WDR72: variants seen among roughly 807,000 people sequenced by gnomAD.
WDR72 encodes WD repeat-containing protein 72.
WDR72 carries 120 observed loss-of-function variants against 124.2 expected under a neutral mutation model. The observed-to-expected ratio is 0.97, with a 90% CI of 0.83 to 1.12. WDR72 has a LOEUF of 1.12. Ranked by LOEUF, WDR72 falls within the 50% of genes most tolerant of loss-of-function variation. WDR72 has a pLI of 0.00. For missense variants in WDR72, 1,387 were observed against 1,278.8 expected (o/e 1.08, Z -1.29); for synonymous variants, 452 against 441.7 (o/e 1.02, Z -0.29).
intron 18 of WDR72, among the ~76,000 whole-genome samples, chr15:53,542,875 C>A (rs1435400849): frequency 1.4e-3 from 178 of 131,344 alleles, no homozygotes; most frequent in African/African-American, 5.0e-3. Flanking sequence ...TTTAAACCAA[C>A]AAAGATCAAA....
intron 18 of WDR72, among the ~76,000 whole-genome samples, chr15:53,548,416 TC>T (rs1459287670): frequency 6.6e-6 from 1 of 152,166 alleles, no homozygotes; most frequent in Non-Finnish European, 1.5e-5. Flanking sequence ...GGATTGGAAT[TC>T]CTGTTGTGCA....
intron 1 of WDR72, among the ~76,000 whole-genome samples, chr15:53,734,169 A>T (rs1595881307): frequency 6.7e-6 from 1 of 149,108 alleles, no homozygotes; most frequent in South Asian, 2.1e-4. Flanking sequence ...CACACACACA[A>T]ATATATACAT....
chr15:53,657,825 T>TA (rs2015481441), intron 14 of WDR72, among the ~76,000 whole-genome samples: 1 of 152,200 alleles, frequency 6.6e-6, no homozygotes, highest in Non-Finnish European at 1.5e-5. Flanking sequence ...TCAGCAATTA[T>TA]AAAAACAATA....
At chr15:53,573,263 T>C (rs1259129723) in intron 18 of WDR72, among the ~76,000 whole-genome samples, 1 of 152,196 alleles carries the variant, frequency 6.6e-6, no homozygotes, top group Non-Finnish European at 1.5e-5. Context: ...TATGAATAAC[T>C]CTAAGGTGTG....
intron 14 of WDR72, among the ~76,000 whole-genome samples, chr15:53,663,008 G>A (rs2015657741): frequency 1.3e-5 from 2 of 151,622 alleles, no homozygotes; most frequent in Admixed American, 1.3e-4. Context: ...GTTCAAATCT[G>A]TAGTGGGCTA....
chr15:53,634,506 G>A (rs911114937), intron 14 of WDR72, among the ~76,000 whole-genome samples: 7 of 152,080 alleles, frequency 4.6e-5, no homozygotes, highest in African/African-American at 1.7e-4. Context: ...AAAAAAAAAT[G>A]CAAAAAACTT....
intron 17 of WDR72, among the ~76,000 whole-genome samples, chr15:53,603,695 A>G (rs1433977347): frequency 6.6e-6 from 1 of 152,114 alleles, no homozygotes; most frequent in Non-Finnish European, 1.5e-5. Flanking sequence ...ACAACAGTCA[A>G]GCTGAGAGCT....
At chr15:53,623,072 T>C (rs371400772) in intron 14 of WDR72, among the ~76,000 whole-genome samples, 11 of 152,318 alleles carry the variant, frequency 7.2e-5, no homozygotes, top group East Asian at 1.9e-4. Context: ...TTGTAAATCA[T>C]TAGTCTCAAA....
At chr15:53,626,722 G>A (rs1029997353) in intron 14 of WDR72, among the ~76,000 whole-genome samples, 1 of 152,244 alleles carries the variant, frequency 6.6e-6, no homozygotes, top group African/African-American at 2.4e-5. Flanking sequence ...GCATTTTAAT[G>A]AGCTCTCCTT....
chr15:53,581,324 T>C (rs1185318224), intron 18 of WDR72, among the ~76,000 whole-genome samples: 2 of 152,248 alleles, frequency 1.3e-5, no homozygotes, highest in South Asian at 2.1e-4. Flanking sequence ...CAAAAGTTTA[T>C]ATGACTGTCA....
chr15:53,711,037 G>T, intron 8 of WDR72, 84 bp from the exon 9 acceptor site: 1 of 1,178,928 alleles, frequency 8.5e-7, no homozygotes, highest in Non-Finnish European at 1.2e-6. Flanking sequence ...TCAAAAGCCG[G>T]ATGGTACCGT....
At chr15:53,699,228 T>C (rs952825050) in intron 13 of WDR72, among the ~76,000 whole-genome samples, 2 of 152,220 alleles carry the variant, frequency 1.3e-5, no homozygotes, top group Admixed American at 6.5e-5. Context: ...TTAGTAATTG[T>C]TTTTTAATTT....
chr15:53,624,202 A>G (rs2014118177), intron 14 of WDR72, among the ~76,000 whole-genome samples: 1 of 152,210 alleles, frequency 6.6e-6, no homozygotes, highest in African/African-American at 2.4e-5. Flanking sequence ...GAATACGGGA[A>G]GGTAGAGAAT....
rs556513649 is a variant in WDR72 at position 53,682,811 on chromosome 15, T to C, written c.1765+16939A>G. Among the ~76,000 whole-genome samples, 3 of 152,322 alleles carry C rather than the reference T, an allele frequency of 2.0e-5. 1 individual carries two copies. The highest frequency in any genetic ancestry group is 7.2e-5 in the African/African-American group (3 of 41,572). ...CAGTTCCAAAGTTGCTTCCATATTT[T>C]CAGGTTATCTTTATAGCAGTATTCC... On this transcript the variant is annotated intron_variant, in intron 13 of 19. Transcript: ENST00000360509.
At position 53,636,863 on chromosome 15, in the gene WDR72, T is replaced by G. The variant is rs2014641960; in HGVS notation, c.1963-20620A>C. Among the ~76,000 whole-genome samples the G allele has an allele frequency of 2.6e-5, 4 of 152,232 alleles. No homozygotes were observed. In the South Asian group the frequency reaches 8.3e-4, roughly 32 times the overall value. On this transcript the variant is annotated intron_variant, in intron 14 of 19. Coordinates refer to ENST00000360509, the MANE Select transcript of WDR72 (RefSeq NM_182758.4). ...ATGTTTTAATGATTTATTTCTTTTC[T>G]TAACAACTTTATGGTCATTTGCATA...
chr15:53,631,922 T>C (rs900874586), intron 14 of WDR72, among the ~76,000 whole-genome samples: 2 of 152,138 alleles, frequency 1.3e-5, no homozygotes, highest in Admixed American at 6.5e-5. Context: ...TTGGAACTTA[T>C]ATGTAAAAGA....
At chr15:53,693,578 T>C (rs2016910398) in intron 13 of WDR72, among the ~76,000 whole-genome samples, 1 of 152,220 alleles carries the variant, frequency 6.6e-6, no homozygotes, top group South Asian at 2.1e-4. Flanking sequence ...AATTAGTTAT[T>C]TCAAAGCCTA....
At chr15:53,538,855 C>A (rs1330400481) in intron 18 of WDR72, among the ~76,000 whole-genome samples, 1 of 152,070 alleles carries the variant, frequency 6.6e-6, no homozygotes, top group Non-Finnish European at 1.5e-5. Flanking sequence ...TCAGAGATTT[C>A]ATGACTGGTC....
At chr15:53,735,069 G>T (rs992805512) in intron 1 of WDR72, among the ~76,000 whole-genome samples, 3 of 152,096 alleles carry the variant, frequency 2.0e-5, no homozygotes, top group Non-Finnish European at 2.9e-5. Context: ...CGAGGTAGGT[G>T]GAGCACTTGA....
Sources: allele counts gnomAD v4.1 joint callset (sites outside exome capture counted in the v4.1 genomes callset), GRCh38; gene constraint gnomAD v4.1.1; transcripts MANE v1.5; gene names NCBI Gene and HGNC (gene_info 2026-07-23, HGNC 2026-07-21).